STMN4: variants seen among roughly 807,000 people sequenced by gnomAD.
The protein encoded by STMN4 is stathmin 4.
STMN4 carries 12 observed loss-of-function variants against 29.1 expected under a neutral mutation model. The observed-to-expected ratio is 0.41, with a 90% CI of 0.26 to 0.67. The LOEUF is 0.67. Among genes scored for constraint, STMN4 ranks in the 30% least tolerant of loss-of-function variants. The pLI is 0.30. For synonymous variants in STMN4, 114 were observed against 105.3 expected (o/e 1.08, Z -0.51); for missense variants, 181 against 262.8 (o/e 0.69, Z 2.15).
At chr8:27,241,942 C>T (rs1005981531) in intron 3 of STMN4, among the ~76,000 whole-genome samples, 185 bp from the exon 4 acceptor site, 7 of 152,198 alleles carry the variant, frequency 4.6e-5, no homozygotes, top group African/African-American at 1.4e-4. Context: ...GCTACAGGCC[C>T]CACACAGCAT....
chr8:27,257,459 A>AACACACACACACACAC (rs59516183), intron 1 of STMN4, among the ~76,000 whole-genome samples: 3 of 137,822 alleles, frequency 2.2e-5, no homozygotes, highest in East Asian at 2.2e-4. Flanking sequence ...CCCCCATACA[A>AACACACACACACACAC]ACACACACAC....
chr8:27,257,173 G>T (rs1801964569), intron 1 of STMN4, among the ~76,000 whole-genome samples: 2 of 152,152 alleles, frequency 1.3e-5, no homozygotes, highest in African/African-American at 4.8e-5. Context: ...CCTTCTCACT[G>T]CTCCAGCACT....
At chr8:27,246,898 C>A (rs1324249875) in intron 1 of STMN4, among the ~76,000 whole-genome samples, 1 of 152,180 alleles carries the variant, frequency 6.6e-6, no homozygotes, top group African/African-American at 2.4e-5. Context: ...AGCCAGGGCT[C>A]AAACCCATGG....
chr8:27,254,920 T>A (rs2130173144), intron 1 of STMN4, among the ~76,000 whole-genome samples: 1 of 140,860 alleles, frequency 7.1e-6, no homozygotes, highest in East Asian at 2.2e-4. Context: ...GGGGATGGAG[T>A]GGGAGCACTC....
chr8:27,237,540 C>T (rs1801345038), intron 6 of STMN4, among the ~76,000 whole-genome samples: 3 of 152,176 alleles, frequency 2.0e-5, no homozygotes, highest in Admixed American at 2.0e-4. Context: ...CAGATGTGAG[C>T]CACCGTGCCC....
Position 27,241,620 on chromosome 8 carries a change from C to T in STMN4, c.190+57G>A, listed in dbSNP as rs142178426. 15,010 of 1,603,468 alleles carry T rather than the reference C, an allele frequency of 9.4e-3. 87 individuals carry two copies. Among genetic ancestry groups the T allele is most frequent in the Non-Finnish European group, 0.011 (13,309 of 1,170,988 alleles). ...GTGCGTTTCAGCCCCCGCCCACCCCCGGCCACAGCCCATCTGACGCTCGGC... is the reference window on the plus strand; with the variant it reads ...GTGCGTTTCAGCCCCCGCCCACCCCTGGCCACAGCCCATCTGACGCTCGGC... On this transcript the variant is annotated intron_variant, in intron 4 of 6. Transcript: ENST00000350889.
chr8:27,236,894 G>C lies in STMN4; in HGVS notation c.603C>G (p.Ala201=), dbSNP rs73563904. 4.4e-6 allele frequency: 7 copies of C among 1,607,740 alleles called. No individual in the cohort carries two copies. In the African/African-American group the frequency reaches 5.4e-5, roughly 12 times the overall value. Residue 201 remains alanine (A), a synonymous_variant, in exon 7 of 7, where the codon GCC becomes GCG. Coordinates refer to ENST00000350889, the MANE Select transcript of STMN4 (RefSeq NM_030795.4). ...LERLQEKDKH[A]EEVRKNKELK... ...GCTCCTTGTTTTTCCGCACCTCCTCGGCGTGCTTGTCCTGGAAAGGAAGGG... is the reference window on the plus strand; with the variant it reads ...GCTCCTTGTTTTTCCGCACCTCCTCCGCGTGCTTGTCCTGGAAAGGAAGGG...
At position 27,236,666 on chromosome 8, in the gene STMN4, G is replaced by A. The variant is rs777701413; in HGVS notation, c.*180C>T. 4.2e-6 allele frequency: 2 copies of A among 480,626 alleles called. No individual in the cohort carries two copies. Among genetic ancestry groups the A allele is most frequent in the Non-Finnish European group, 3.6e-6 (1 of 278,466 alleles). 29.8% of individuals were successfully genotyped at this position (480,626 alleles called of 1,614,324 possible). ...GTCATTGTTCCCCGGAAACAAATAG[G>A]ATGGCTTCACTGGTCAATTCTTAAC... On this transcript the variant is annotated 3_prime_UTR_variant, in exon 7 of 7. Coordinates refer to ENST00000350889, the MANE Select transcript of STMN4 (RefSeq NM_030795.4).
At chr8:27,250,996 C>T (rs1801764985) in intron 1 of STMN4, among the ~76,000 whole-genome samples, 1 of 151,036 alleles carries the variant, frequency 6.6e-6, no homozygotes, top group African/African-American at 2.4e-5. Flanking sequence ...TGCCTGTAAT[C>T]CCAACACTTT....
Position 27,236,737 on chromosome 8 carries a change from C to A in STMN4, c.*109G>T. The A allele has an allele frequency of 9.7e-7, 1 of 1,026,832 alleles. No homozygotes were observed. Among genetic ancestry groups the A allele is most frequent in the African/African-American group, 1.7e-5 (1 of 60,198 alleles). The allele number at this position is 1,026,832 out of a possible 1,614,324, so 63.6% of individuals were successfully genotyped here. A position where few individuals can be genotyped will look rare whatever the true frequency, so the allele number is the denominator to read the frequency against. On this transcript the variant is annotated 3_prime_UTR_variant, in exon 7 of 7. Coordinates refer to ENST00000350889, the MANE Select transcript of STMN4 (RefSeq NM_030795.4). The stretch of plus-strand genomic sequence containing the variant: ...GAGGAAACGCCCCTTGGCCACCCCC[C>A]TCCCCCCAAACCCCAGTGCTGGGAG...
intron 6 of STMN4, among the ~76,000 whole-genome samples, chr8:27,237,834 G>A (rs1801353141): frequency 6.6e-6 from 1 of 152,162 alleles, no homozygotes; most frequent in Non-Finnish European, 1.5e-5. Flanking sequence ...TGCTCACTGT[G>A]CAGATTCTCT....
At position 27,235,900 on chromosome 8, in the gene STMN4, A is replaced by C. The variant is rs1482124582; in HGVS notation, c.*946T>G. On this transcript the variant is annotated 3_prime_UTR_variant, in exon 7 of 7. Transcript: ENST00000350889. The stretch of plus-strand genomic sequence containing the variant: ...CTTCCCAGCCTCCAAAACTGTGAGC[A>C]ATCAATTTCTGTTATCAATTACTTA... The C allele has an allele frequency of 5.9e-5, 9 of 152,518 alleles. No homozygotes were observed. The highest frequency in any genetic ancestry group is 2.2e-4 in the African/African-American group (9 of 41,454). The allele number at this position is 152,518 out of a possible 1,614,324, so 9.4% of individuals were successfully genotyped here.
chr8:27,252,483 G>T (rs1220023982), intron 1 of STMN4, among the ~76,000 whole-genome samples: 1 of 152,140 alleles, frequency 6.6e-6, no homozygotes, highest in African/African-American at 2.4e-5. Context: ...TAGAGATGGG[G>T]TCTCACTGTG....
intron 4 of STMN4, 62 bp downstream of exon 4, chr8:27,241,615 A>ACCC: frequency 6.4e-7 from 1 of 1,570,638 alleles, no homozygotes; most frequent in South Asian, 1.1e-5. Context: ...GCCCCCGCCC[A>ACCC]CCCCCGGCCA....
chr8:27,242,296 G>C, intron 3 of STMN4, 101 bp downstream of exon 3: 1 of 1,173,416 alleles, frequency 8.5e-7, no homozygotes, highest in South Asian at 1.3e-5. Flanking sequence ...AAACTGTCTC[G>C]GGAGGAGAGA....
At chr8:27,258,155 C>T (rs1167242585) in intron 1 of STMN4, among the ~76,000 whole-genome samples, 196 bp downstream of exon 1, 1 of 152,174 alleles carries the variant, frequency 6.6e-6, no homozygotes, top group African/African-American at 2.4e-5. Context: ...CGGAGCCCAC[C>T]CTCACCCCTT....
intron 1 of STMN4, among the ~76,000 whole-genome samples, chr8:27,251,699 G>A (rs1801791604): frequency 6.6e-6 from 1 of 151,888 alleles, no homozygotes; most frequent in Admixed American, 6.6e-5. Flanking sequence ...TTTCTTCTAG[G>A]TTTTTTCCCC....
chr8:27,242,379 G>A lies in STMN4; in HGVS notation c.109+18C>T, dbSNP rs1436461835. The A allele has an allele frequency of 6.2e-7, 1 of 1,613,812 alleles. No homozygotes were observed. The highest frequency in any genetic ancestry group is 8.5e-7 in the Non-Finnish European group (1 of 1,179,740). Reference sequence around the variant, plus strand: ...GGGCCCCCCCGCCCCTCACTTTCCTGGCTGAGCCTTCACTGACCTTCATAT... The same window carrying A: ...GGGCCCCCCCGCCCCTCACTTTCCTAGCTGAGCCTTCACTGACCTTCATAT... On this transcript the variant is annotated intron_variant, in intron 3 of 6. Coordinates refer to ENST00000350889, the MANE Select transcript of STMN4 (RefSeq NM_030795.4).
intron 1 of STMN4, among the ~76,000 whole-genome samples, chr8:27,250,037 C>A (rs1801739373): frequency 6.6e-6 from 1 of 152,156 alleles, no homozygotes; most frequent in African/African-American, 2.4e-5. Context: ...AGGATGAATA[C>A]CTCATGGTTG....
Sources: allele counts gnomAD v4.1 joint callset (sites outside exome capture counted in the v4.1 genomes callset), GRCh38; gene constraint gnomAD v4.1.1; transcripts MANE v1.5; gene names NCBI Gene and HGNC (gene_info 2026-07-23, HGNC 2026-07-21).